Variants in FAM199X observed in about 807,000 individuals in gnomAD.
FAM199X encodes family with sequence similarity 199, X-linked.
Under a neutral mutation model 22.9 loss-of-function variants are expected in FAM199X, and 4 were observed. That is an observed-to-expected ratio of 0.17 (90% CI 0.09 to 0.40). The LOEUF (loss-of-function observed/expected upper bound fraction) is 0.40. FAM199X is among the 10% of genes least tolerant of loss of function. The probability of loss-of-function intolerance (pLI) is 1.00; values close to 1 mark genes in which losing one functional copy is unlikely to be tolerated. For missense variants in FAM199X, 183 were observed against 306.8 expected (o/e 0.60, Z 3.01); for synonymous variants, 101 against 112.3 (o/e 0.90, Z 0.64).
chrX:104,174,188 C>T (rs782201965), intron 1 of FAM199X, among the ~76,000 whole-genome samples: 1 of 110,090 alleles, frequency 9.1e-6, no homozygotes, highest in Admixed American at 9.7e-5. Flanking sequence ...GAGAATCGCT[C>T]GAGCCTGGGA....
Position 104,193,452 on chromosome X carries a change from T to A in FAM199X, c.*3674T>A, listed in dbSNP as rs7887166. ...GCAAAAGCACTTCAAGGACAGAGATTATGTAGCAAGTTGATTCTCTAGGAA... is the reference window on the plus strand; with the variant it reads ...GCAAAAGCACTTCAAGGACAGAGATAATGTAGCAAGTTGATTCTCTAGGAA... On this transcript the variant is annotated 3_prime_UTR_variant, in exon 6 of 6. Transcript: ENST00000493442. The A allele has an allele frequency of 8.9e-6, 1 of 112,048 alleles. No homozygotes were observed. Among genetic ancestry groups the A allele is most frequent in the African/African-American group, 3.2e-5 (1 of 30,918 alleles). 9.2% of individuals were successfully genotyped at this position (112,048 alleles called of 1,213,427 possible).
At chrX:104,162,978 C>T (rs1232108782), upstream of FAM199X, among the ~76,000 whole-genome samples, 1 of 111,469 alleles carries the variant, frequency 9.0e-6, no homozygotes, top group Non-Finnish European at 1.9e-5. Flanking sequence ...CCAGACATTT[C>T]CCTCTGAAAC....
At chrX:104,188,753 TTC>T (rs1556379714) in intron 5 of FAM199X, among the ~76,000 whole-genome samples, 2 of 111,557 alleles carry the variant, frequency 1.8e-5, no homozygotes, top group African/African-American at 6.5e-5. Flanking sequence ...ATCTAATACT[TTC>T]TATAATTTCT....
rs1210247041 is a variant in FAM199X, at chrX:104,195,110, T to A, written c.*5332T>A. On this transcript the variant is annotated 3_prime_UTR_variant, in exon 6 of 6. Coordinates refer to ENST00000493442, the MANE Select transcript of FAM199X (RefSeq NM_207318.4). ...AAATCTAAATGAGTGTGTATGGTTG[T>A]AATTAAAACTGGCAATGTGGCAGAG... 9.0e-6 allele frequency: 1 copy of A among 110,803 alleles called. No homozygotes were observed. Among genetic ancestry groups the A allele is most frequent in the Non-Finnish European group, 1.9e-5 (1 of 52,936 alleles). 9.1% of individuals were successfully genotyped at this position (110,803 alleles called of 1,213,427 possible).
intron 2 of FAM199X, among the ~76,000 whole-genome samples, chrX:104,181,299 A>T (rs1338826714): frequency 3.6e-5 from 4 of 112,537 alleles, no homozygotes; most frequent in Non-Finnish European, 7.5e-5. Flanking sequence ...GAGAGTTATT[A>T]AGTATTTATT....
At chrX:104,157,895 C>T in the FAM199X span, among the ~76,000 whole-genome samples, 1 of 112,096 alleles carries the variant, frequency 8.9e-6, no homozygotes, top group Non-Finnish European at 1.9e-5. Context: ...CTATGGACCA[C>T]GCACTATGAT....
intron 2 of FAM199X, among the ~76,000 whole-genome samples, chrX:104,178,991 G>A (rs1035668467): frequency 2.7e-5 from 3 of 111,507 alleles, no homozygotes; most frequent in African/African-American, 6.5e-5. Flanking sequence ...TTTACCAGGC[G>A]TGGTGGTGTG....
At chrX:104,162,711 T>C (rs1054338722), upstream of FAM199X, among the ~76,000 whole-genome samples, 1 of 112,207 alleles carries the variant, frequency 8.9e-6, no homozygotes, top group Admixed American at 9.5e-5. Flanking sequence ...TAGGAACGTC[T>C]GGACATCCAC....
chrX:104,184,344 C>T (rs1921740319), intron 2 of FAM199X, among the ~76,000 whole-genome samples: 1 of 111,910 alleles, frequency 8.9e-6, no homozygotes, highest in African/African-American at 3.2e-5. Flanking sequence ...GTTGCAAGCT[C>T]TATAGAACCA....
At chrX:104,173,539 TA>T (rs1192814954) in intron 1 of FAM199X, among the ~76,000 whole-genome samples, 2 of 110,830 alleles carry the variant, frequency 1.8e-5, no homozygotes, top group African/African-American at 3.3e-5. Context: ...TGGAGGAAGT[TA>T]AAAAAAATGA....
Position 104,166,502 on chromosome X carries a change from C to A in FAM199X, c.-284C>A, listed in dbSNP as rs1374210253. ...GCGGGGCGGGCCTGGCCGGGCCGGG[C>A]GGCGGCGCTGCGCTGACGGGCTGAG... On this transcript the variant is annotated 5_prime_UTR_variant, in exon 1 of 6. Transcript: ENST00000493442. 1 of 185,579 alleles carries A rather than the reference C, an allele frequency of 5.4e-6. No individual in the cohort carries two copies. 15.3% of individuals were successfully genotyped at this position (185,579 alleles called of 1,213,427 possible).
chrX:104,181,442 T>C (rs895564907), intron 2 of FAM199X, among the ~76,000 whole-genome samples: 18 of 112,275 alleles, frequency 1.6e-4, no homozygotes, highest in African/African-American at 5.8e-4. Flanking sequence ...TCCACTTAGA[T>C]GACCTTAATA....
intron 1 of FAM199X, among the ~76,000 whole-genome samples, chrX:104,167,508 CT>C (rs1364662611): frequency 9.1e-6 from 1 of 110,178 alleles, no homozygotes; most frequent in Non-Finnish European, 1.9e-5. Flanking sequence ...GCCACCACCC[CT>C]ACCCCATTTT....
At chrX:104,181,858 TG>T (rs782571301) in intron 2 of FAM199X, among the ~76,000 whole-genome samples, 16 of 111,608 alleles carry the variant, frequency 1.4e-4, no homozygotes, top group African/African-American at 4.2e-4. Context: ...GGTCTTTAAG[TG>T]TATCACTCTG....
At chrX:104,176,216 A>G (rs1556376425) in intron 2 of FAM199X, among the ~76,000 whole-genome samples, 1 of 112,066 alleles carries the variant, frequency 8.9e-6, no homozygotes. Context: ...TAATATCATA[A>G]ACTGTTATTA....
At position 104,195,557 on chromosome X, in the gene FAM199X, C is replaced by G. The variant is rs1320212398; in HGVS notation, c.*5779C>G. The G allele has an allele frequency of 7.2e-5, 8 of 110,858 alleles. No homozygotes were observed. The highest frequency in any genetic ancestry group is 1.5e-4 in the Non-Finnish European group (8 of 52,932). The allele number at this position is 110,858 out of a possible 1,213,427, so 9.1% of individuals were successfully genotyped here. On this transcript the variant is annotated 3_prime_UTR_variant, in exon 6 of 6. Transcript: ENST00000493442. ...TAATTTTTTTTGACAAAAAATAGAT[C>G]TATTTTCCTTATATATTGATTTAGA...
At chrX:104,179,816 G>C (rs782799144) in intron 2 of FAM199X, among the ~76,000 whole-genome samples, 13 of 110,819 alleles carry the variant, frequency 1.2e-4, no homozygotes, top group Non-Finnish European at 2.3e-4. Context: ...TTGGTCTGCA[G>C]TTTTCGTTCT....
intron 2 of FAM199X, among the ~76,000 whole-genome samples, chrX:104,181,291 G>C (rs1921645255): frequency 8.9e-6 from 1 of 112,278 alleles, no homozygotes; most frequent in Admixed American, 9.5e-5. Context: ...TATGGGCTGA[G>C]AGTTATTAAG....
chrX:104,174,596 G>A (rs1335011164), intron 1 of FAM199X, among the ~76,000 whole-genome samples: 2 of 111,277 alleles, frequency 1.8e-5, no homozygotes, highest in Non-Finnish European at 1.9e-5. Context: ...ATTAGAAACA[G>A]CTTATGTATC....
Sources: gnomAD v4.1 joint callset for allele counts (sites outside exome capture counted in the v4.1 genomes callset) on GRCh38, gnomAD v4.1.1 for gene constraint, MANE v1.5 for transcripts, NCBI Gene and HGNC (gene_info 2026-07-23, HGNC 2026-07-21) for gene names.